Variants in ZNF506 observed in about 807,000 individuals in gnomAD.
ZNF506 encodes zinc finger protein 506.
A neutral mutation model predicts 11.6 loss-of-function variants in ZNF506; 10 were observed. The observed-to-expected ratio is 0.86, with a 90% CI of 0.53 to 1.46. ZNF506 has a LOEUF of 1.46. Ranked by LOEUF, ZNF506 falls within the 40% of genes most tolerant of loss-of-function variation. The pLI is 0.00. For missense variants in ZNF506, 425 were observed against 521.2 expected (o/e 0.82, Z 1.80); for synonymous variants, 156 against 173.3 (o/e 0.90, Z 0.78).
intron 1 of ZNF506, among the ~76,000 whole-genome samples, chr19:19,821,025 C>T (rs1253636531): frequency 6.6e-6 from 1 of 152,074 alleles, no homozygotes; most frequent in Non-Finnish European, 1.5e-5. Context: ...TCTGCCTCCC[C>T]AGTAGCTGGG....
intron 3 of ZNF506, among the ~76,000 whole-genome samples, chr19:19,799,987 A>G (rs569092364): frequency 5.9e-5 from 9 of 152,294 alleles, no homozygotes; most frequent in Admixed American, 3.3e-4. Context: ...AGACTAATAA[A>G]ACAGAATGCA....
At chr19:19,814,241 T>TCTA (rs2062909380) in intron 1 of ZNF506, among the ~76,000 whole-genome samples, 1 of 151,836 alleles carries the variant, frequency 6.6e-6, no homozygotes, top group African/African-American at 2.4e-5. Context: ...AAACCCCGTA[T>TCTA]CTACTAAAGA....
chr19:19,795,090 A>AAAGCTT lies in ZNF506; in HGVS notation c.791_796dup (p.Ala265_Phe266insTer). On this transcript the variant is annotated stop_gained, in exon 4 of 4. Coordinates refer to ENST00000540806, the MANE Select transcript of ZNF506 (RefSeq NM_001099269.3). LOFTEE classifies it low-confidence loss of function (END_TRUNC). ...TGAAAAAAGGGTTGCAGGGTGGTTA[A>AAAGCTT]AAGCTTTGCCACATTCTCTACATCT... 1 of 1,613,696 alleles carries AAAGCTT rather than the reference A, an allele frequency of 6.2e-7. No homozygotes were observed.
Position 19,795,366 on chromosome 19 carries a change from T to G in ZNF506, c.521A>C (p.Lys174Thr), listed in dbSNP as rs1263013082. Residue 174 changes from lysine to threonine, a missense_variant, in exon 4 of 4, where the codon AAA becomes ACA. By Grantham distance (78) the Lys-to-Thr change is moderately conservative (BLOSUM62 -1). Coordinates refer to ENST00000540806, the MANE Select transcript of ZNF506 (RefSeq NM_001099269.3). ...KIRDTGKKSFKCIEYGKTFNQ... is the reference protein window; with the variant it reads ...KIRDTGKKSFTCIEYGKTFNQ... ...AAAAGTTTTCCCATATTCTATACAT[T>G]TAAAAGATTTTTTTCCAGTATCTCT... is the stretch of plus-strand genomic sequence containing the variant. 2.5e-6 allele frequency: 4 copies of G among 1,608,398 alleles called. No homozygotes were observed. Among genetic ancestry groups the G allele is most frequent in the Non-Finnish European group, 2.5e-6 (3 of 1,177,154 alleles).
chr19:19,802,347 C>G (rs377356339), intron 3 of ZNF506, among the ~76,000 whole-genome samples: 9 of 152,066 alleles, frequency 5.9e-5, no homozygotes, highest in African/African-American at 1.9e-4. Flanking sequence ...TAATTATACA[C>G]AGAAGATTCT....
chr19:19,799,543 C>T, intron 3 of ZNF506: 1 of 550,216 alleles, frequency 1.8e-6, no homozygotes, highest in South Asian at 2.5e-5. Context: ...GAGTATAAGA[C>T]AATAATATAA....
intron 3 of ZNF506, chr19:19,796,697 C>A (rs1457688651): frequency 6.6e-6 from 1 of 152,234 alleles, no homozygotes; most frequent in Non-Finnish European, 1.5e-5. Flanking sequence ...ACCACCGTGC[C>A]CGGCCTCTAG....
At chr19:19,795,956 CT>C in intron 3 of ZNF506, 1 of 361,776 alleles carries the variant, frequency 2.8e-6, no homozygotes, top group Non-Finnish European at 5.2e-6. Context: ...CAACACAGCT[CT>C]TCCTGCTCTC....
Position 19,795,541 on chromosome 19 carries a change from C to CT in ZNF506, c.345dup (p.Gly116ArgfsTer3), listed in dbSNP as rs1409120867. On this transcript the variant is annotated frameshift_variant, in exon 4 of 4. Transcript: ENST00000540806. LOFTEE classifies it low-confidence loss of function (END_TRUNC). ...GGACACTCATCTACACTTTCACAGC[C>CT]TTTTTTTAACTGTAAATTGTCATGT... 38 of 1,596,506 alleles carry CT rather than the reference C, an allele frequency of 2.4e-5. No individual in the cohort carries two copies. Among genetic ancestry groups the CT allele is most frequent in the South Asian group, 4.6e-5 (4 of 87,112 alleles).
At chr19:19,812,834 A>G (rs933832617) in intron 1 of ZNF506, among the ~76,000 whole-genome samples, 3 of 152,142 alleles carry the variant, frequency 2.0e-5, no homozygotes, top group Admixed American at 6.6e-5. Context: ...CCTAAAAGCA[A>G]TTTCTCTCTC....
chr19:19,814,404 A>T (rs1402811025), intron 1 of ZNF506, among the ~76,000 whole-genome samples: 1 of 73,058 alleles, frequency 1.4e-5, no homozygotes, highest in Non-Finnish European at 2.7e-5. Flanking sequence ...GCAAAACTCC[A>T]TCTCAAAATA....
intron 3 of ZNF506, among the ~76,000 whole-genome samples, chr19:19,801,287 T>TC (rs1337238238): frequency 6.6e-6 from 1 of 151,950 alleles, no homozygotes; most frequent in African/African-American, 2.4e-5. Context: ...GGTCAGGAGT[T>TC]CAAGATCAGC....
intron 2 of ZNF506, 35 bp downstream of exon 2, chr19:19,806,907 T>G: frequency 6.3e-7 from 1 of 1,596,496 alleles, no homozygotes; most frequent in Admixed American, 1.8e-5. Flanking sequence ...ACCTTTAGAG[T>G]AATATTATGA....
Position 19,794,433 on chromosome 19 carries a change from C to T in ZNF506, c.*119G>A, listed in dbSNP as rs1343238123. 2.8e-6 allele frequency: 3 copies of T among 1,060,374 alleles called. No homozygotes were observed. Among genetic ancestry groups the T allele is most frequent in the South Asian group, 3.4e-5 (2 of 58,180 alleles). 65.7% of individuals were successfully genotyped at this position (1,060,374 alleles called of 1,614,324 possible). On this transcript the variant is annotated 3_prime_UTR_variant, in exon 4 of 4. Coordinates refer to ENST00000540806, the MANE Select transcript of ZNF506 (RefSeq NM_001099269.3). ...AGAACTTCCTTAAAAAGCTTTGTCA[C>T]ATTCTTTATATTTGTAGGGTTTATG...
In ZNF506 at chr19:19,816,556, C is replaced by T. The variant is rs190736777; in HGVS notation, c.3+5045G>A. On this transcript the variant is annotated intron_variant, in intron 1 of 3. Coordinates refer to ENST00000540806, the MANE Select transcript of ZNF506 (RefSeq NM_001099269.3). ...TGTATTTGTAGTAGAGACAGGGTTT[C>T]ACCCTGTTAGCCAGGATGGTCTCGA... Among the ~76,000 whole-genome samples the T allele has an allele frequency of 9.4e-3, 1,438 of 152,250 alleles. 12 individuals carry two copies. The highest frequency in any genetic ancestry group is 0.015 in the Non-Finnish European group (1,039 of 68,016).
chr19:19,794,762 G>C lies in ZNF506; in HGVS notation c.1125C>G (p.Gly375=), dbSNP rs1378822632. 6.2e-7 allele frequency: 1 copy of C among 1,613,754 alleles called. No individual in the cohort carries two copies. The highest frequency in any genetic ancestry group is 2.2e-5 in the East Asian group (1 of 44,858). Residue 375 remains glycine (G), a synonymous_variant, in exon 4 of 4, where the codon GGC becomes GGG. Coordinates refer to ENST00000540806, the MANE Select transcript of ZNF506 (RefSeq NM_001099269.3). ...GEKPYKCEEC[G]KAFTAFSTLT... is the part of the protein sequence containing the mutation. The stretch of plus-strand genomic sequence containing the variant: ...GAGTTGAGAATGCAGTAAAGGCTTT[G>C]CCACATTCTTCACACTTGTAGGGTT...
intron 3 of ZNF506, among the ~76,000 whole-genome samples, chr19:19,800,391 A>AATATATATATATATATTTAT (rs1460340025): frequency 4.2e-4 from 58 of 139,244 alleles, no homozygotes; most frequent in Non-Finnish European, 7.3e-4. Context: ...AACTAAACAG[A>AATATATATATATATATTTAT]ATATATATAT....
intron 3 of ZNF506, among the ~76,000 whole-genome samples, chr19:19,800,488 C>T (rs981310778): frequency 6.6e-6 from 1 of 150,780 alleles, no homozygotes; most frequent in African/African-American, 2.4e-5. Context: ...AAGATATCGG[C>T]TCACTGCAAT....
At chr19:19,821,087 A>G (rs2062964149) in intron 1 of ZNF506, among the ~76,000 whole-genome samples, 1 of 152,204 alleles carries the variant, frequency 6.6e-6, no homozygotes, top group African/African-American at 2.4e-5. Context: ...TTTAGTAGAC[A>G]TGGGGTTTCC....
Sources: gnomAD v4.1 joint callset for allele counts (sites outside exome capture counted in the v4.1 genomes callset) on GRCh38, gnomAD v4.1.1 for gene constraint, MANE v1.5 for transcripts, NCBI Gene and HGNC (gene_info 2026-07-23, HGNC 2026-07-21) for gene names.